UNC13C: variants seen among roughly 807,000 people sequenced by gnomAD.
The protein encoded by UNC13C is unc-13 homolog C.
UNC13C carries 174 observed loss-of-function variants against 245.4 expected under a neutral mutation model. The ratio of observed to expected loss-of-function variants is 0.71; its 90% CI spans 0.63 to 0.80. The LOEUF is 0.80. Ranked by LOEUF, UNC13C falls within the 30% of genes least tolerant of loss-of-function variation. The pLI, the probability that UNC13C is intolerant of heterozygous loss-of-function variation, is 0.00. For missense variants in UNC13C, 2,829 were observed against 2,602.9 expected, an observed-to-expected ratio of 1.09 and a Z score of -1.89; for synonymous variants, 992 against 895.1, an observed-to-expected ratio of 1.11 and a Z score of -1.93.
chr15:53,965,505 T>C, the UNC13C span, among the ~76,000 whole-genome samples: 1 of 151,334 alleles, frequency 6.6e-6, no homozygotes, highest in South Asian at 2.1e-4. Flanking sequence ...GTTGAATTTA[T>C]TTATGTCCTT....
At chr15:53,993,775 A>T (rs1056165424) in intron 1 of UNC13C, among the ~76,000 whole-genome samples, 4 of 152,096 alleles carry the variant, frequency 2.6e-5, no homozygotes, top group Non-Finnish European at 5.9e-5. Context: ...TGTCAAAGAT[A>T]GTCTCTCTAA....
intron 19 of UNC13C, among the ~76,000 whole-genome samples, chr15:54,448,007 AT>A (rs774540885): frequency 1.7e-4 from 26 of 152,204 alleles, no homozygotes; most frequent in East Asian, 1.2e-3. Flanking sequence ...GAACATCTTT[AT>A]TTCTGCCTTC....
chr15:54,223,679 A>C (rs1480668566), intron 4 of UNC13C, among the ~76,000 whole-genome samples: 1 of 151,932 alleles, frequency 6.6e-6, no homozygotes, highest in Non-Finnish European at 1.5e-5. Context: ...GAAGGGCATT[A>C]GTATTTTGAT....
At chr15:54,469,752 T>C (rs1892359782) in intron 19 of UNC13C, among the ~76,000 whole-genome samples, 1 of 151,534 alleles carries the variant, frequency 6.6e-6, no homozygotes, top group Admixed American at 6.6e-5. Context: ...GTTGAATCCA[T>C]GATATAAAAC....
At chr15:54,081,840 C>A (rs1898959854) in intron 2 of UNC13C, among the ~76,000 whole-genome samples, 1 of 152,096 alleles carries the variant, frequency 6.6e-6, no homozygotes, top group South Asian at 2.1e-4. Context: ...GCATTGTTAG[C>A]TAGTTGCTTT....
At chr15:54,419,223 T>C (rs2040585338) in intron 19 of UNC13C, among the ~76,000 whole-genome samples, 1 of 152,156 alleles carries the variant, frequency 6.6e-6, no homozygotes. Flanking sequence ...CCATGCTCTT[T>C]TGATAGAGAT....
intron 4 of UNC13C, among the ~76,000 whole-genome samples, chr15:54,172,515 CT>C (rs1400186155): frequency 2.6e-5 from 4 of 151,086 alleles, no homozygotes; most frequent in Non-Finnish European, 5.9e-5. Context: ...TAATTTGTGC[CT>C]TTTTCTTGAT....
At chr15:54,616,155 A>G (rs1347697848) in intron 30 of UNC13C, among the ~76,000 whole-genome samples, 5 of 152,106 alleles carry the variant, frequency 3.3e-5, no homozygotes, top group African/African-American at 1.2e-4. Context: ...ACACTTCAGC[A>G]AACTGTAGCC....
At chr15:53,889,559 G>A in the UNC13C span, among the ~76,000 whole-genome samples, 17 of 152,260 alleles carry the variant, frequency 1.1e-4, no homozygotes, top group African/African-American at 3.6e-4. Flanking sequence ...TCTCTTGCCT[G>A]ATTGCCCTGG....
chr15:53,933,110 T>A, the UNC13C span, among the ~76,000 whole-genome samples: 1 of 152,150 alleles, frequency 6.6e-6, no homozygotes, highest in Non-Finnish European at 1.5e-5. Context: ...GCCTTTCTCT[T>A]CAACTCTAAA....
rs760638339 is a variant in UNC13C, at chr15:54,132,077, T to TTTTTTTCTTTTTC, written c.2984-10935_2984-10934insCTTTTTCTTTTTT. 5.5e-4 allele frequency among the ~76,000 whole-genome samples: 33 copies of TTTTTTTCTTTTTC among 60,504 alleles called. 1 individual carries two copies. Among genetic ancestry groups the TTTTTTTCTTTTTC allele is most frequent in the Non-Finnish European group, 1.4e-3 (26 of 18,960 alleles). 39.7% of individuals were successfully genotyped at this position (60,504 alleles called of 152,430 possible). On this transcript the variant is annotated intron_variant, in intron 2 of 32. Transcript: ENST00000260323. ...GCAATTCAGTTTTTTTCTTTTTCTTTTTTTTTTTTGACAGCGTCTTGCTCT... is the reference window on the plus strand; with the variant it reads ...GCAATTCAGTTTTTTTCTTTTTCTTTTTTTTTCTTTTTCTTTTTTTTTGACAGCGTCTTGCTCT...
chr15:54,610,584 T>A (rs1900034116), intron 30 of UNC13C, among the ~76,000 whole-genome samples: 1 of 152,184 alleles, frequency 6.6e-6, no homozygotes, highest in Admixed American at 6.5e-5. Flanking sequence ...TGAATAATAT[T>A]TTAATAACCA....
the UNC13C span, among the ~76,000 whole-genome samples, chr15:53,902,313 G>C: frequency 6.6e-6 from 1 of 152,164 alleles, no homozygotes; most frequent in Non-Finnish European, 1.5e-5. Context: ...GAGACAGACA[G>C]ATTGAAGGAG....
At chr15:54,232,375 A>C (rs1338123845) in intron 4 of UNC13C, among the ~76,000 whole-genome samples, 1 of 152,130 alleles carries the variant, frequency 6.6e-6, no homozygotes, top group African/African-American at 2.4e-5. Context: ...TGCAGTGCTC[A>C]TATTTGTCCT....
intron 17 of UNC13C, among the ~76,000 whole-genome samples, chr15:54,367,587 T>C (rs1323187361): frequency 2.0e-5 from 3 of 152,164 alleles, no homozygotes; most frequent in African/African-American, 7.2e-5. Flanking sequence ...CCATGAATAC[T>C]GATAGAACGA....
chr15:54,058,650 C>T (rs1897654813), intron 2 of UNC13C, among the ~76,000 whole-genome samples: 1 of 152,164 alleles, frequency 6.6e-6, no homozygotes, highest in African/African-American at 2.4e-5. Context: ...CGGGCAGAGA[C>T]ACAACCAAAA....
chr15:54,127,576 G>A (rs1275276099), intron 2 of UNC13C, among the ~76,000 whole-genome samples: 4 of 151,704 alleles, frequency 2.6e-5, no homozygotes, highest in African/African-American at 4.8e-5. Flanking sequence ...GACTAGGGAA[G>A]GGATAGCATT....
At chr15:53,877,393 A>T in the UNC13C span, among the ~76,000 whole-genome samples, 1 of 152,110 alleles carries the variant, frequency 6.6e-6, no homozygotes, top group Non-Finnish European at 1.5e-5. Flanking sequence ...GGGAAGACAG[A>T]CCCTAGTTCA....
intron 10 of UNC13C, among the ~76,000 whole-genome samples, chr15:54,271,100 A>G (rs1040710606): frequency 1.7e-4 from 26 of 152,138 alleles, no homozygotes; most frequent in South Asian, 2.1e-4. Flanking sequence ...AAGAGTTTGA[A>G]TTTATAATCT....
Sources: allele counts gnomAD v4.1 joint callset (sites outside exome capture counted in the v4.1 genomes callset), GRCh38; gene constraint gnomAD v4.1.1; transcripts MANE v1.5; gene names NCBI Gene and HGNC (gene_info 2026-07-23, HGNC 2026-07-21).